Variants in ZNF431 observed in about 807,000 individuals in gnomAD.
ZNF431 encodes the protein zinc finger protein 431.
Under a neutral mutation model 57.0 loss-of-function variants are expected in ZNF431, and 34 were observed. The ratio of observed to expected loss-of-function variants is 0.60; its 90% CI spans 0.45 to 0.79. The LOEUF (loss-of-function observed/expected upper bound fraction) is 0.79. ZNF431 is among the 30% of genes least tolerant of loss of function. ZNF431 has a pLI of 0.00. For synonymous variants in ZNF431, 207 were observed against 220.3 expected (o/e 0.94, Z 0.54); for missense variants, 607 against 667.1 (o/e 0.91, Z 0.99).
chr19:21,151,041 C>T (rs1970257403), intron 2 of ZNF431: 2 of 152,040 alleles, frequency 1.3e-5, no homozygotes, highest in African/African-American at 4.8e-5. Flanking sequence ...GACTTTTAAC[C>T]ACAGTGCTTT....
intron 4 of ZNF431, among the ~76,000 whole-genome samples, chr19:21,177,873 A>G (rs1971103689): frequency 6.6e-6 from 1 of 151,802 alleles, no homozygotes; most frequent in African/African-American, 2.4e-5. Flanking sequence ...TAATTCTGTG[A>G]AGAATGTTAG....
At chr19:21,162,682 A>G in intron 2 of ZNF431, 2 of 983,772 alleles carry the variant, frequency 2.0e-6, no homozygotes, top group Non-Finnish European at 2.4e-6. Context: ...ATTTAAAAAG[A>G]TGAGAGTTTT....
rs1463284444 is a variant in ZNF431 at position 21,190,815 on chromosome 19, C to G, written c.*6781C>G. 6.6e-6 allele frequency: 1 copy of G among 152,110 alleles called. No homozygotes were observed. Among genetic ancestry groups the G allele is most frequent in the African/African-American group, 2.4e-5 (1 of 41,432 alleles). 9.4% of individuals were successfully genotyped at this position (152,110 alleles called of 1,614,324 possible). A position where few individuals can be genotyped will look rare whatever the true frequency, so the allele number is the denominator to read the frequency against. ...TAGCTGGGATTACAGGCAAATGCCACTGCGCCCAGCTAATTTTGTATTTTT... is the reference window on the plus strand; with the variant it reads ...TAGCTGGGATTACAGGCAAATGCCAGTGCGCCCAGCTAATTTTGTATTTTT... On this transcript the variant is annotated 3_prime_UTR_variant, in exon 5 of 5. Transcript: ENST00000311048.
At chr19:21,164,625 G>A (rs1970667691) in intron 2 of ZNF431, among the ~76,000 whole-genome samples, 1 of 152,068 alleles carries the variant, frequency 6.6e-6, no homozygotes, top group Non-Finnish European at 1.5e-5. Context: ...GATTTCCAGA[G>A]AAGGAGGAGA....
chr19:21,162,622 A>G (rs1269552385), intron 2 of ZNF431: 2 of 643,864 alleles, frequency 3.1e-6, no homozygotes, highest in East Asian at 2.7e-4. Context: ...CCCTTTTTGG[A>G]GCCCTTATTT....
chr19:21,164,707 G>A (rs756735789), intron 2 of ZNF431, among the ~76,000 whole-genome samples: 1 of 152,044 alleles, frequency 6.6e-6, no homozygotes, highest in Non-Finnish European at 1.5e-5. Context: ...GCCTCCTGGA[G>A]TGCCATGTGT....
Position 21,142,051 on chromosome 19 carries a change from C to T in ZNF431, c.-133C>T, listed in dbSNP as rs1355336319. 3 of 1,209,080 alleles carry T rather than the reference C, an allele frequency of 2.5e-6. No homozygotes were observed. The highest frequency in any genetic ancestry group is 3.9e-5 in the Admixed American group (2 of 51,072). 74.9% of individuals were successfully genotyped at this position (1,209,080 alleles called of 1,614,324 possible). A position where few individuals can be genotyped will look rare whatever the true frequency, so the allele number is the denominator to read the frequency against. On this transcript the variant is annotated 5_prime_UTR_variant, in exon 1 of 5. Coordinates refer to ENST00000311048, the MANE Select transcript of ZNF431 (RefSeq NM_133473.4). Reference sequence around the variant, plus strand: ...GTGGCGGGGCCTTTGTCTCTCGCCGCAGCCTGAGCTCCAGGTCTCCCCTTC... The same window carrying T: ...GTGGCGGGGCCTTTGTCTCTCGCCGTAGCCTGAGCTCCAGGTCTCCCCTTC...
At position 21,195,518 on chromosome 19, in the gene ZNF431, A is replaced by G. The variant is rs112190597; in HGVS notation, c.*11484A>G. 6 of 152,358 alleles carry G rather than the reference A, an allele frequency of 3.9e-5. No homozygotes were observed. The highest frequency in any genetic ancestry group is 1.4e-4 in the African/African-American group (6 of 41,594). The allele number at this position is 152,358 out of a possible 1,614,324, so 9.4% of individuals were successfully genotyped here. A position where few individuals can be genotyped will look rare whatever the true frequency, so the allele number is the denominator to read the frequency against. On this transcript the variant is annotated 3_prime_UTR_variant, in exon 5 of 5. Coordinates refer to ENST00000311048, the MANE Select transcript of ZNF431 (RefSeq NM_133473.4). ...CTAATTCCTCATTAGCAATAGAATT[A>G]TGTATATTTTGCAAACTCTAATACA...
intron 4 of ZNF431, chr19:21,169,954 T>C (rs540216840): frequency 2.5e-6 from 1 of 397,982 alleles, no homozygotes; most frequent in South Asian, 1.3e-4. Flanking sequence ...GGACCTCTCT[T>C]AGACTGTAAC....
At chr19:21,142,381 C>G (rs1022256636) in intron 1 of ZNF431, among the ~76,000 whole-genome samples, 195 bp downstream of exon 1, 5 of 152,212 alleles carry the variant, frequency 3.3e-5, no homozygotes, top group African/African-American at 1.2e-4. Context: ...CCCCAGGCGT[C>G]CTGTCTCTTC....
rs912126165 is a variant in ZNF431, at chr19:21,195,781, T to C, written c.*11747T>C. 5.3e-5 allele frequency: 8 copies of C among 152,238 alleles called. No homozygotes were observed. Among genetic ancestry groups the C allele is most frequent in the South Asian group, 2.1e-4 (1 of 4,836 alleles). The allele number at this position is 152,238 out of a possible 1,614,324, so 9.4% of individuals were successfully genotyped here. On this transcript the variant is annotated 3_prime_UTR_variant, in exon 5 of 5. Transcript: ENST00000311048. The stretch of plus-strand genomic sequence containing the variant: ...TAGTGTCTTCTTGCAGATTTAAATA[T>C]TTTATTGCAGTGTAAAGTTTAATAT...
chr19:21,157,652 C>T (rs985605642), intron 2 of ZNF431, among the ~76,000 whole-genome samples: 5 of 151,854 alleles, frequency 3.3e-5, no homozygotes, highest in Non-Finnish European at 7.4e-5. Flanking sequence ...CTGCCTCAGC[C>T]TCCCGAGTAG....
intron 2 of ZNF431, among the ~76,000 whole-genome samples, chr19:21,163,862 A>G (rs987351936): frequency 6.6e-6 from 1 of 152,002 alleles, no homozygotes; most frequent in African/African-American, 2.4e-5. Context: ...CTTGAGAGGC[A>G]GTGCTTATCA....
chr19:21,183,297 A>G lies in ZNF431; in HGVS notation c.994A>G (p.Ser332Gly). The change falls in exon 5 of 5, where the codon AGT becomes GGT. Residue 332 changes from serine to glycine, a missense_variant. Transcript: ENST00000311048. ...GKAFNQSSTLSTHKFIHAGEK... is the reference protein window; with the variant it reads ...GKAFNQSSTLGTHKFIHAGEK... ...AGCTTTTAACCAGTCTTCAACCCTTAGTACACATAAGTTCATTCATGCTGG... is the reference window on the plus strand; with the variant it reads ...AGCTTTTAACCAGTCTTCAACCCTTGGTACACATAAGTTCATTCATGCTGG... The G allele has an allele frequency of 6.2e-7, 1 of 1,614,046 alleles. No individual in the cohort carries two copies. The highest frequency in any genetic ancestry group is 8.5e-7 in the Non-Finnish European group (1 of 1,179,940).
chr19:21,182,946 A>G lies in ZNF431; in HGVS notation c.643A>G (p.Met215Val). 6.2e-7 allele frequency: 1 copy of G among 1,614,122 alleles called. No homozygotes were observed. The highest frequency in any genetic ancestry group is 8.5e-7 in the Non-Finnish European group (1 of 1,179,960). ...KCKKCGKSFCMLLHLSQHKRI... is the reference protein window; with the variant it reads ...KCKKCGKSFCVLLHLSQHKRI... ...TAAAAAATGTGGCAAATCATTTTGC[A>G]TGCTTTTACACCTAAGTCAACATAA... The change falls in exon 5 of 5, where the codon ATG (methionine) becomes GTG (valine). Residue 215 changes from methionine (M) to valine (V), a missense_variant. Coordinates refer to ENST00000311048, the MANE Select transcript of ZNF431 (RefSeq NM_133473.4).
chr19:21,166,419 A>G lies in ZNF431; in HGVS notation c.181A>G (p.Met61Val), dbSNP rs779256904. ...GAACCCTGCTCAGCAGAATTTATAT[A>G]TGAATGTGATGTTAGAAAACTACAA... ...CLNPAQQNLYMNVMLENYKNL... is the reference protein window; with the variant it reads ...CLNPAQQNLYVNVMLENYKNL... Residue 61 changes from methionine to valine, a missense_variant, in exon 3 of 5, where the codon ATG (methionine) becomes GTG (valine). Physicochemically the swap from Met to Val is conservative, Grantham distance 21. Coordinates refer to ENST00000311048, the MANE Select transcript of ZNF431 (RefSeq NM_133473.4). The G allele has an allele frequency of 1.2e-6, 2 of 1,610,632 alleles. No individual in the cohort carries two copies. Among genetic ancestry groups the G allele is most frequent in the Non-Finnish European group, 1.7e-6 (2 of 1,179,318 alleles).
At chr19:21,154,105 G>A (rs2076919869) in intron 2 of ZNF431, among the ~76,000 whole-genome samples, 2 of 152,080 alleles carry the variant, frequency 1.3e-5, no homozygotes, top group Admixed American at 6.5e-5. Flanking sequence ...CATGTGCCAT[G>A]TTGGTGTGCT....
At chr19:21,175,775 A>G (rs1234358087) in intron 4 of ZNF431, among the ~76,000 whole-genome samples, 1 of 152,196 alleles carries the variant, frequency 6.6e-6, no homozygotes, top group Non-Finnish European at 1.5e-5. Flanking sequence ...TTATGGCTGC[A>G]TATTAGTCTA....
chr19:21,183,148 A>G lies in ZNF431; in HGVS notation c.845A>G (p.His282Arg). The G allele has an allele frequency of 6.2e-7, 1 of 1,614,022 alleles. No homozygotes were observed. The highest frequency in any genetic ancestry group is 8.5e-7 in the Non-Finnish European group (1 of 1,179,948). The change falls in exon 5 of 5, where the codon CAT becomes CGT. Residue 282 changes from histidine to arginine, a missense_variant. His to Arg is a conservative substitution (Grantham distance 29, BLOSUM62 0). Transcript: ENST00000311048. ...SSTLTTHKIIHTGEKPYRCEE... is the reference protein window; with the variant it reads ...SSTLTTHKIIRTGEKPYRCEE... ...ACCCTTACTACACATAAGATAATTCATACTGGGGAGAAACCATATAGATGT... is the reference window on the plus strand; with the variant it reads ...ACCCTTACTACACATAAGATAATTCGTACTGGGGAGAAACCATATAGATGT...
Sources: gnomAD v4.1 joint callset for allele counts (sites outside exome capture counted in the v4.1 genomes callset) on GRCh38, gnomAD v4.1.1 for gene constraint, MANE v1.5 for transcripts, NCBI Gene and HGNC (gene_info 2026-07-23, HGNC 2026-07-21) for gene names.